Variants in SNCG observed in about 807,000 individuals in gnomAD.
SNCG encodes the protein gamma-synuclein.
SNCG carries 13 observed loss-of-function variants against 16.0 expected under a neutral mutation model. The observed-to-expected ratio is 0.81, with a 90% CI of 0.53 to 1.29. The LOEUF (loss-of-function observed/expected upper bound fraction) is 1.29, where lower values mean the gene tolerates loss of function less well. Among genes scored for constraint, SNCG ranks in the 50% most tolerant of loss-of-function variants. The probability of loss-of-function intolerance (pLI) is 0.00; values close to 1 mark genes in which losing one functional copy is unlikely to be tolerated. For missense variants in SNCG, 154 were observed against 168.5 expected, an observed-to-expected ratio of 0.91 and a Z score of 0.48; for synonymous variants, 66 against 66.3, an observed-to-expected ratio of 1.00 and a Z score of 0.02.
At chr10:86,960,245 C>A in intron 3 of SNCG, 117 bp downstream of exon 3, 2 of 1,064,572 alleles carry the variant, frequency 1.9e-6, no homozygotes, top group South Asian at 1.6e-5. Flanking sequence ...CTGCGGCTGG[C>A]TTCAGTTTCA....
chr10:86,959,372 G>A lies in SNCG; in HGVS notation c.122-261G>A. The stretch of plus-strand genomic sequence containing the variant: ...TGAGGCCCGGCCACACCCGGGCAGG[G>A]GCTGGACCCTGGGTCTAGCCAGTGT... On this transcript the variant is annotated intron_variant, in intron 1 of 4. Coordinates refer to ENST00000372017, the MANE Select transcript of SNCG (RefSeq NM_003087.3). This position sits in a 1 kb window ranked among gnomAD's most constrained non-coding sequence, Gnocchi z 4.3. 3 of 574,772 alleles carry A rather than the reference G, an allele frequency of 5.2e-6. No individual in the cohort carries two copies. The South Asian group carries it at 6.3e-5, about 12-fold the overall frequency. 35.6% of individuals were successfully genotyped at this position (574,772 alleles called of 1,614,324 possible). A position where few individuals can be genotyped will look rare whatever the true frequency, so the allele number is the denominator to read the frequency against.
chr10:86,958,527 G>C, upstream of SNCG: 1 of 1,122,744 alleles, frequency 8.9e-7, no homozygotes, highest in Non-Finnish European at 1.1e-6. Flanking sequence ...CGCCCCCACT[G>C]CACGCAGGGC....
chr10:86,958,139 TGCTGGTGGGTAGCTGCACA>T, upstream of SNCG: 1 of 984,972 alleles, frequency 1.0e-6, no homozygotes, highest in Non-Finnish European at 1.2e-6. Flanking sequence ...GCATCCAGGA[TGCTGGTGGGTAGCTGCACA>T]GCCCAGGCCG....
upstream of SNCG, chr10:86,957,758 C>T (rs1302810650): frequency 2.8e-5 from 38 of 1,363,128 alleles, no homozygotes; most frequent in Non-Finnish European, 3.5e-5. Flanking sequence ...CAAGCCAGTT[C>T]CTGTCCCTGA....
chr10:86,957,065 GC>G (rs1844245885), upstream of SNCG, among the ~76,000 whole-genome samples: 1 of 152,220 alleles, frequency 6.6e-6, no homozygotes, highest in Non-Finnish European at 1.5e-5. Context: ...AGCCAGGCCA[GC>G]TGGCAATGGC....
At chr10:86,961,795 G>A (rs1589314070) in intron 3 of SNCG, among the ~76,000 whole-genome samples, 1 of 152,192 alleles carries the variant, frequency 6.6e-6, no homozygotes, top group East Asian at 1.9e-4. Flanking sequence ...GCACAGCACT[G>A]CCCTTTTATG....
intron 1 of SNCG, 23 bp downstream of exon 1, chr10:86,958,841 G>A: frequency 6.3e-7 from 1 of 1,585,022 alleles, no homozygotes; most frequent in Non-Finnish European, 8.6e-7. Flanking sequence ...TGGCAGGGTG[G>A]GACAGTGTGG....
chr10:86,960,221 A>C (rs1295030590), intron 3 of SNCG, 93 bp downstream of exon 3: 1 of 1,261,190 alleles, frequency 7.9e-7, no homozygotes, highest in African/African-American at 1.5e-5. Flanking sequence ...CACCCCAGGA[A>C]ACAACACGGG....
chr10:86,956,818 C>T (rs546099942), upstream of SNCG, among the ~76,000 whole-genome samples: 1 of 152,348 alleles, frequency 6.6e-6, no homozygotes, highest in East Asian at 1.9e-4. Context: ...GGCCCTGGCT[C>T]TGTACACATA....
chr10:86,959,503 G>A lies in SNCG; in HGVS notation c.122-130G>A, dbSNP rs1040648465. The A allele has an allele frequency of 7.1e-5, 53 of 750,148 alleles. No homozygotes were observed. Among genetic ancestry groups the A allele is most frequent in the African/African-American group, 1.2e-4 (7 of 56,910 alleles). The allele number at this position is 750,148 out of a possible 1,614,324, so 46.5% of individuals were successfully genotyped here. ...CAGGAAGAGGCCCTCTGAAGGGGCC[G>A]CCGGCCCCCAGACACCATCCTTACC... On this transcript the variant is annotated intron_variant, in intron 1 of 4. Transcript: ENST00000372017. The surrounding 1 kb of genome is among the most constrained non-coding windows in gnomAD (Gnocchi z 4.3).
At chr10:86,957,964 G>A, upstream of SNCG, 1 of 1,025,496 alleles carries the variant, frequency 9.8e-7, no homozygotes, top group Non-Finnish European at 1.2e-6. Context: ...GGCAATTCAT[G>A]CCTCCTCAGC....
At chr10:86,962,042 C>A (rs1023578949) in intron 3 of SNCG, among the ~76,000 whole-genome samples, 7 of 152,246 alleles carry the variant, frequency 4.6e-5, no homozygotes, top group African/African-American at 1.2e-4. Flanking sequence ...TGGCCCTGAC[C>A]AGCCTGAGCC....
Position 86,959,841 on chromosome 10 carries a change from C to A in SNCG, c.164-160C>A. ...CTAAACTAGGGTGGGCGTCTCCTTA[C>A]CCCCACCAGCATCAGAGGTGCCCTG... On this transcript the variant is annotated intron_variant, in intron 2 of 4. Coordinates refer to ENST00000372017, the MANE Select transcript of SNCG (RefSeq NM_003087.3). This position sits in a 1 kb window ranked among gnomAD's most constrained non-coding sequence, Gnocchi z 4.3. The A allele has an allele frequency of 7.5e-7, 1 of 1,331,916 alleles. No homozygotes were observed. Among genetic ancestry groups the A allele is most frequent in the East Asian group, 2.5e-5 (1 of 39,590 alleles). 82.5% of individuals were successfully genotyped at this position (1,331,916 alleles called of 1,614,324 possible).
rs1362044186 is a variant in SNCG, at chr10:86,960,139, G to T, written c.291+11G>T. 6.2e-7 allele frequency: 1 copy of T among 1,609,310 alleles called. No individual in the cohort carries two copies. The highest frequency in any genetic ancestry group is 2.2e-5 in the East Asian group (1 of 44,750). On this transcript the variant is annotated intron_variant, in intron 3 of 4. Coordinates refer to ENST00000372017, the MANE Select transcript of SNCG (RefSeq NM_003087.3). ...GGGGTGGTGCGCAAGGTGAGCCCCG[G>T]CCCTCAGACCTGCCCAGTCCTCTCC...
chr10:86,956,998 G>T (rs1365366806), upstream of SNCG, among the ~76,000 whole-genome samples: 1 of 152,220 alleles, frequency 6.6e-6, no homozygotes, highest in Non-Finnish European at 1.5e-5. Context: ...AAATCTCAGG[G>T]CAGCCTTGCT....
rs545602900 is a variant in SNCG at position 86,958,636 on chromosome 10, C to T, written c.-62C>T. ...GGCAGCACTCGAGCCAGCTCAAGCC[C>T]GCAGCTCGCAGGGAGATCCAGCTCC... On this transcript the variant is annotated 5_prime_UTR_variant, in exon 1 of 5. Transcript: ENST00000372017. 9.9e-5 allele frequency: 160 copies of T among 1,608,338 alleles called. 1 individual carries two copies. The East Asian group carries it at 3.0e-3, about 31-fold the overall frequency.
chr10:86,959,868 A>G lies in SNCG; in HGVS notation c.164-133A>G. 7.0e-7 allele frequency: 1 copy of G among 1,423,144 alleles called. No homozygotes were observed. Among genetic ancestry groups the G allele is most frequent in the Non-Finnish European group, 9.5e-7 (1 of 1,053,016 alleles). 88.2% of individuals were successfully genotyped at this position (1,423,144 alleles called of 1,614,324 possible). A position where few individuals can be genotyped will look rare whatever the true frequency, so the allele number is the denominator to read the frequency against. On this transcript the variant is annotated intron_variant, in intron 2 of 4. Transcript: ENST00000372017. This position sits in a 1 kb window ranked among gnomAD's most constrained non-coding sequence, Gnocchi z 4.3. Reference sequence around the variant, plus strand: ...CCCACCAGCATCAGAGGTGCCCTGGAGTCAGAGGGAGCAGGGGAGGGTCCC... The same window carrying G: ...CCCACCAGCATCAGAGGTGCCCTGGGGTCAGAGGGAGCAGGGGAGGGTCCC...
At chr10:86,956,609 C>T (rs1262531747), upstream of SNCG, among the ~76,000 whole-genome samples, 1 of 152,228 alleles carries the variant, frequency 6.6e-6, no homozygotes, top group Non-Finnish European at 1.5e-5. Context: ...GCTGTGTGGC[C>T]TTGGGCAAGC....
chr10:86,958,304 G>T (rs1844271001), upstream of SNCG: 1 of 985,142 alleles, frequency 1.0e-6, no homozygotes, highest in Non-Finnish European at 1.2e-6. Flanking sequence ...CACCCCTGGG[G>T]CCAAGAGCAC....
Sources: gnomAD v4.1 joint callset for allele counts (sites outside exome capture counted in the v4.1 genomes callset) on GRCh38, gnomAD v4.1.1 for gene constraint, Gnocchi (gnomAD v3.1) non-coding constraint, MANE v1.5 for transcripts, NCBI Gene and HGNC (gene_info 2026-07-23, HGNC 2026-07-21) for gene names.